The following PCDH15 variants were observed in gnomAD, a reference collection of about 807,000 sequenced individuals.
The protein encoded by PCDH15 is protocadherin-15.
PCDH15 carries 129 observed loss-of-function variants against 178.5 expected under a neutral mutation model. The observed-to-expected ratio is 0.72, with a 90% CI of 0.63 to 0.84. PCDH15 has a LOEUF of 0.84. Among genes scored for constraint, PCDH15 ranks in the 40% least tolerant of loss-of-function variants. PCDH15 has a pLI of 0.00. For synonymous variants in PCDH15, 800 were observed against 732.0 expected (o/e 1.09, Z -1.50); for missense variants, 2,230 against 2,099.9 (o/e 1.06, Z -1.21).
chr10:54,423,933 C>T (rs1955883840), intron 3 of PCDH15, among the ~76,000 whole-genome samples: 2 of 151,936 alleles, frequency 1.3e-5, no homozygotes, highest in African/African-American at 4.8e-5. Flanking sequence ...CTAGGCAATA[C>T]CATTCAGGAC....
chr10:53,809,623 C>A, intron 37 of PCDH15: 6 of 1,391,054 alleles, frequency 4.3e-6, no homozygotes, highest in Non-Finnish European at 5.9e-6. Flanking sequence ...GAAAGCTACG[C>A]AGGAATGAAT....
chr10:54,582,543 T>A (rs2091129943), intron 2 of PCDH15, among the ~76,000 whole-genome samples: 1 of 152,104 alleles, frequency 6.6e-6, no homozygotes, highest in African/African-American at 2.4e-5. Context: ...AACAAAACGG[T>A]AGGTGCTCTT....
chr10:54,797,078 T>C (rs1302287437), intron 1 of PCDH15, among the ~76,000 whole-genome samples: 1 of 151,946 alleles, frequency 6.6e-6, no homozygotes, highest in Non-Finnish European at 1.5e-5. Context: ...CACACCGCTG[T>C]CCTCCCCCGG....
chr10:54,133,045 C>T (rs1208884654), intron 14 of PCDH15, 38 bp from the exon 15 acceptor site: 3 of 1,613,348 alleles, frequency 1.9e-6, no homozygotes, highest in Non-Finnish European at 1.7e-6. Flanking sequence ...GGTTACGAAT[C>T]TGCATCACAT....
intron 6 of PCDH15, among the ~76,000 whole-genome samples, chr10:54,344,175 A>C (rs1255606612): frequency 6.6e-6 from 1 of 152,170 alleles, no homozygotes; most frequent in Admixed American, 6.5e-5. Flanking sequence ...CCTTCAATAC[A>C]TCCTAAGTTA....
At chr10:53,850,616 A>G (rs1474641440) in intron 28 of PCDH15, among the ~76,000 whole-genome samples, 2 of 152,124 alleles carry the variant, frequency 1.3e-5, no homozygotes, top group Non-Finnish European at 2.9e-5. Context: ...GGTAGGATTT[A>G]TTATTATATT....
At chr10:55,341,623 G>C (rs1844559378) in intron 2 of PCDH15, among the ~76,000 whole-genome samples, 2 of 147,288 alleles carry the variant, frequency 1.4e-5, no homozygotes, top group Non-Finnish European at 3.0e-5. Flanking sequence ...TGACTGGAGT[G>C]CACTGACGCG....
chr10:54,367,655 G>A (rs1174872602), intron 5 of PCDH15, among the ~76,000 whole-genome samples: 2 of 151,854 alleles, frequency 1.3e-5, no homozygotes, highest in South Asian at 2.1e-4. Context: ...GGGGCCTGTT[G>A]GGGGAGTGAG....
intron 1 of PCDH15, among the ~76,000 whole-genome samples, chr10:54,725,041 T>C (rs1942279311): frequency 1.3e-5 from 2 of 151,494 alleles, no homozygotes; most frequent in South Asian, 4.1e-4. Flanking sequence ...TTTAAAAGCA[T>C]GTTCCCATTA....
chr10:54,973,543 T>G (rs375647324), intron 2 of PCDH15, among the ~76,000 whole-genome samples: 5 of 152,338 alleles, frequency 3.3e-5, no homozygotes, highest in African/African-American at 1.2e-4. Flanking sequence ...AATGCCCTAA[T>G]CATGCCTGCT....
intron 1 of PCDH15, among the ~76,000 whole-genome samples, chr10:54,705,672 C>T (rs2095358649): frequency 6.6e-6 from 1 of 152,094 alleles, no homozygotes; most frequent in Non-Finnish European, 1.5e-5. Context: ...TCTTCTAGAA[C>T]AGTGATTTGA....
chr10:54,154,011 G>A (rs11004102), intron 13 of PCDH15, among the ~76,000 whole-genome samples: 10,812 of 152,162 alleles, frequency 0.071, 916 homozygotes, highest in African/African-American at 0.2. Context: ...GTAAACATCT[G>A]TATAGCCAAT....
chr10:54,113,932 A>G (rs987335226), intron 15 of PCDH15, among the ~76,000 whole-genome samples: 2 of 152,134 alleles, frequency 1.3e-5, no homozygotes, highest in Non-Finnish European at 2.9e-5. Flanking sequence ...AGTGGCAGGC[A>G]AGAGAGAGAG....
intron 25 of PCDH15, among the ~76,000 whole-genome samples, chr10:53,904,727 T>C (rs2082556840): frequency 6.6e-6 from 1 of 152,102 alleles, no homozygotes; most frequent in African/African-American, 2.4e-5. Flanking sequence ...CCACCACAAA[T>C]CAGAATTCAC....
At chr10:54,477,740 C>T (rs959111849) in intron 3 of PCDH15, among the ~76,000 whole-genome samples, 2 of 152,090 alleles carry the variant, frequency 1.3e-5, no homozygotes, top group African/African-American at 4.8e-5. Context: ...GGATTACAGG[C>T]GTGTGCCAAC....
intron 29 of PCDH15, among the ~76,000 whole-genome samples, chr10:53,834,519 T>G (rs1196209878): frequency 3.4e-5 from 2 of 59,158 alleles, no homozygotes; most frequent in Middle Eastern, 6.2e-3. Flanking sequence ...CAGAAATGTG[T>G]TTTTTTTTTT....
chr10:55,226,219 A>G (rs984088847), intron 1 of PCDH15, among the ~76,000 whole-genome samples: 7 of 152,160 alleles, frequency 4.6e-5, no homozygotes, highest in African/African-American at 1.4e-4. Flanking sequence ...AACTTCTAGC[A>G]TATGAGACAG....
intron 2 of PCDH15, among the ~76,000 whole-genome samples, chr10:55,344,254 A>G (rs1844682230): frequency 6.6e-6 from 1 of 152,126 alleles, no homozygotes. Context: ...CATTGTGATT[A>G]TCTTGGCTTT....
rs1565463729 is a variant in PCDH15 at position 54,512,362 on chromosome 10, TGTGTG to T, written c.157+15445_157+15449del. ...CATGGTATAGACATTTCTGGCATTG[TGTGTG>T]TGTGTGTGTGTGTGTGTGTGTGTGT... On this transcript the variant is annotated intron_variant, in intron 3 of 37. Coordinates refer to ENST00000644397, the MANE Select transcript of PCDH15 (RefSeq NM_001384140.1). Among the ~76,000 whole-genome samples, 195 of 83,956 alleles carry T rather than the reference TGTGTG, an allele frequency of 2.3e-3. 1 individual carries two copies. Among genetic ancestry groups the T allele is most frequent in the East Asian group, 0.013 (40 of 3,144 alleles). 55.1% of individuals were successfully genotyped at this position (83,956 alleles called of 152,430 possible). A position where few individuals can be genotyped will look rare whatever the true frequency, so the allele number is the denominator to read the frequency against.
Sources: allele counts gnomAD v4.1 joint callset (sites outside exome capture counted in the v4.1 genomes callset), GRCh38; gene constraint gnomAD v4.1.1; transcripts MANE v1.5; gene names NCBI Gene and HGNC (gene_info 2026-07-23, HGNC 2026-07-21).